SYNE2: variants seen among roughly 807,000 people sequenced by gnomAD.
The protein encoded by SYNE2 is spectrin repeat containing nuclear envelope protein 2, also known as nesprin-2.
Under a neutral mutation model 856.3 loss-of-function variants are expected in SYNE2, and 431 were observed. The ratio of observed to expected loss-of-function variants is 0.50; its 90% CI spans 0.47 to 0.55. The LOEUF (loss-of-function observed/expected upper bound fraction) is 0.55. SYNE2 is among the 20% of genes least tolerant of loss of function. The probability of loss-of-function intolerance (pLI) is 0.00; values close to 1 mark genes in which losing one functional copy is unlikely to be tolerated. For missense variants in SYNE2, 8,129 were observed against 8,023.2 expected (o/e 1.01, Z -0.50); for synonymous variants, 2,923 against 2,872.3 (o/e 1.02, Z -0.56).
chr14:63,891,099 T>C (rs1248264808), intron 1 of SYNE2, among the ~76,000 whole-genome samples: 1 of 152,202 alleles, frequency 6.6e-6, no homozygotes, highest in African/African-American at 2.4e-5. Flanking sequence ...AGAATAAAAT[T>C]GGGATGGAAA....
chr14:64,102,501 ATTTTTTT>A (rs1211142346), intron 64 of SYNE2, among the ~76,000 whole-genome samples: 5 of 118,268 alleles, frequency 4.2e-5, no homozygotes, highest in South Asian at 5.3e-4. Flanking sequence ...CATGGGCTGA[ATTTTTTT>A]TTTTTTTTTT....
chr14:64,212,912 G>A lies in SYNE2; in HGVS notation c.18963G>A (p.Leu6321=), dbSNP rs757232346. ...AGAGCGAGCCCCTGGATGCTGTGCT[G>A]ATTGAGGATGAGCTGGAGGAACTCC... ...IQKSEPLDAV[L]IEDELEELHR... is the part of the protein sequence containing the mutation. Residue 6321 remains leucine (L), a synonymous_variant, in exon 105 of 116, where the codon CTG becomes CTA. Coordinates refer to ENST00000555002, the MANE Select transcript of SYNE2 (RefSeq NM_182914.3). The A allele has an allele frequency of 6.2e-7, 1 of 1,614,236 alleles. No homozygotes were observed. The highest frequency in any genetic ancestry group is 1.1e-5 in the South Asian group (1 of 91,090).
At chr14:64,034,518 G>C (rs1188094036) in intron 45 of SYNE2, 5 of 516,066 alleles carry the variant, frequency 9.7e-6, no homozygotes, top group African/African-American at 9.6e-5. Context: ...TGTGATGGCA[G>C]TTTCCAAAAA....
At chr14:64,074,761 T>C (rs2097443410) in intron 53 of SYNE2, among the ~76,000 whole-genome samples, 1 of 151,950 alleles carries the variant, frequency 6.6e-6, no homozygotes, top group South Asian at 2.1e-4. Flanking sequence ...CCAGGCATGG[T>C]AGCGTGTGCC....
intron 1 of SYNE2, among the ~76,000 whole-genome samples, chr14:63,884,883 G>T (rs935749811): frequency 6.6e-6 from 1 of 151,996 alleles, no homozygotes; most frequent in Non-Finnish European, 1.5e-5. Flanking sequence ...CTTGTGATCC[G>T]CCCGCCTCGG....
At chr14:64,077,811 G>GT (rs913736070) in intron 54 of SYNE2, among the ~76,000 whole-genome samples, 69 of 151,656 alleles carry the variant, frequency 4.5e-4, no homozygotes, top group Admixed American at 7.2e-4. Context: ...CTAGCTCAAG[G>GT]TTTTTTTTGT....
chr14:64,186,557 A>G lies in SYNE2; in HGVS notation c.17690A>G (p.Gln5897Arg), dbSNP rs1208424113. ...GAGCAAATAGAGCATTTGCACAGAC[A>G]ATGGGAGGACCTCTGCTTAAGGGTA... Reference protein sequence around the residue: ...LKEQIEHLHRQWEDLCLRVAI... With the variant: ...LKEQIEHLHRRWEDLCLRVAI... Residue 5897 changes from glutamine (Q) to arginine (R), a missense_variant, in exon 97 of 116, where the codon CAA (glutamine) becomes CGA (arginine). Coordinates refer to ENST00000555002, the MANE Select transcript of SYNE2 (RefSeq NM_182914.3). 1 of 1,614,082 alleles carries G rather than the reference A, an allele frequency of 6.2e-7. No homozygotes were observed. Among genetic ancestry groups the G allele is most frequent in the Non-Finnish European group, 8.5e-7 (1 of 1,180,042 alleles).
At chr14:63,842,343 G>T (rs139551682) in intron 1 of SYNE2, among the ~76,000 whole-genome samples, 86 of 151,132 alleles carry the variant, frequency 5.7e-4, no homozygotes, top group African/African-American at 2.0e-3. Context: ...GTAGAGACAG[G>T]GTTTTGCCAT....
intron 85 of SYNE2, among the ~76,000 whole-genome samples, chr14:64,154,792 CAAAA>C (rs34020154): frequency 8.8e-5 from 8 of 91,106 alleles, no homozygotes; most frequent in Admixed American, 1.2e-4. Flanking sequence ...GACCCTGTCT[CAAAA>C]AAAAAAAAAA....
At chr14:63,964,840 A>G (rs1367750427) in intron 10 of SYNE2, among the ~76,000 whole-genome samples, 4 of 152,168 alleles carry the variant, frequency 2.6e-5, no homozygotes, top group Admixed American at 2.6e-4. Context: ...CATGCTTTTT[A>G]GAATGAATAT....
At chr14:63,790,459 C>T (rs970045354) in intron 1 of SYNE2, among the ~76,000 whole-genome samples, 1 of 152,136 alleles carries the variant, frequency 6.6e-6, no homozygotes, top group South Asian at 2.1e-4. Flanking sequence ...TTTACCCCTC[C>T]GCCATGTATA....
At chr14:63,774,131 G>A (rs1887021778) in intron 1 of SYNE2, among the ~76,000 whole-genome samples, 1 of 151,550 alleles carries the variant, frequency 6.6e-6, no homozygotes, top group Non-Finnish European at 1.5e-5. Flanking sequence ...TCAGGAGATC[G>A]AGACCAGCCT....
chr14:64,155,640 A>G (rs1033131886), intron 85 of SYNE2, among the ~76,000 whole-genome samples: 1 of 152,012 alleles, frequency 6.6e-6, no homozygotes, highest in African/African-American at 2.4e-5. Flanking sequence ...TCAAGAGTCA[A>G]TGTAGGCCTG....
At chr14:63,797,094 A>G (rs1019421133) in intron 1 of SYNE2, among the ~76,000 whole-genome samples, 1 of 127,790 alleles carries the variant, frequency 7.8e-6, no homozygotes, top group Non-Finnish European at 1.7e-5. Context: ...AAAAAAAAAA[A>G]GAAAAGAAAA....
At chr14:63,796,631 C>T (rs1048345228) in intron 1 of SYNE2, among the ~76,000 whole-genome samples, 4 of 151,812 alleles carry the variant, frequency 2.6e-5, no homozygotes, top group Non-Finnish European at 5.9e-5. Context: ...GTCTTCTAGA[C>T]ACAAATAAGG....
intron 46 of SYNE2, chr14:64,049,107 G>A (rs2097206465): frequency 6.6e-6 from 1 of 152,102 alleles, no homozygotes; most frequent in African/African-American, 2.4e-5. Flanking sequence ...TGGACCAATG[G>A]TGAATTTTAG....
intron 94 of SYNE2, among the ~76,000 whole-genome samples, chr14:64,171,665 C>T (rs1020049593): frequency 2.0e-5 from 3 of 152,068 alleles, no homozygotes; most frequent in Admixed American, 6.6e-5. Context: ...CACAGAGGAA[C>T]GGCAAAAAGG....
At chr14:63,951,090 A>G (rs1046891048) in intron 7 of SYNE2, among the ~76,000 whole-genome samples, 1 of 151,622 alleles carries the variant, frequency 6.6e-6, no homozygotes, top group Non-Finnish European at 1.5e-5. Context: ...AGTGTCTGAG[A>G]TGGAGCTTAG....
intron 31 of SYNE2, among the ~76,000 whole-genome samples, chr14:64,008,367 A>G (rs975819118): frequency 3.9e-5 from 6 of 152,140 alleles, no homozygotes; most frequent in African/African-American, 1.4e-4. Flanking sequence ...GGCCCAGGAC[A>G]TCTTTGGGAA....
Sources: gnomAD v4.1 joint callset for allele counts (sites outside exome capture counted in the v4.1 genomes callset) on GRCh38, gnomAD v4.1.1 for gene constraint, MANE v1.5 for transcripts, NCBI Gene and HGNC (gene_info 2026-07-23, HGNC 2026-07-21) for gene names.